Variants in GPR158 observed in about 807,000 individuals in gnomAD.
GPR158 encodes metabotropic glycine receptor.
A neutral mutation model predicts 78.2 loss-of-function variants in GPR158; 30 were observed. The observed-to-expected ratio is 0.38, with a 90% confidence interval of 0.29 to 0.52. The LOEUF is 0.52. Among genes scored for constraint, GPR158 ranks in the 20% least tolerant of loss-of-function variants. GPR158 has a pLI of 0.83. For missense variants in GPR158, 1,463 were observed against 1,523.5 expected (o/e 0.96, Z 0.66); for synonymous variants, 581 against 591.1 (o/e 0.98, Z 0.25).
intron 2 of GPR158, among the ~76,000 whole-genome samples, chr10:25,321,124 C>T (rs1854941676): frequency 6.6e-6 from 1 of 152,180 alleles, no homozygotes; most frequent in Non-Finnish European, 1.5e-5. Context: ...TCAGTTTCCT[C>T]AATTGCAAAA....
At chr10:25,486,002 G>A (rs1353174165) in intron 5 of GPR158, among the ~76,000 whole-genome samples, 2 of 152,104 alleles carry the variant, frequency 1.3e-5, no homozygotes, top group African/African-American at 4.8e-5. Flanking sequence ...CATGGTTAGA[G>A]TGAGAAGAAA....
At chr10:25,549,391 G>A (rs1236494294) in intron 5 of GPR158, among the ~76,000 whole-genome samples, 3 of 151,968 alleles carry the variant, frequency 2.0e-5, no homozygotes, top group South Asian at 2.1e-4. Context: ...TGAAATACCC[G>A]AGCTCAAACT....
At chr10:25,192,356 C>T (rs1419555314) in intron 1 of GPR158, among the ~76,000 whole-genome samples, 2 of 152,172 alleles carry the variant, frequency 1.3e-5, no homozygotes, top group Non-Finnish European at 2.9e-5. Flanking sequence ...TTATAAGTTA[C>T]CCAGTCTCGG....
At chr10:25,269,847 C>T (rs371360925) in intron 2 of GPR158, among the ~76,000 whole-genome samples, 1 of 152,136 alleles carries the variant, frequency 6.6e-6, no homozygotes, top group African/African-American at 2.4e-5. Context: ...CATCCTTTAA[C>T]GTTTGTATTA....
chr10:25,313,859 A>G (rs900792069), intron 2 of GPR158, among the ~76,000 whole-genome samples: 9 of 152,152 alleles, frequency 5.9e-5, no homozygotes, highest in African/African-American at 2.2e-4. Flanking sequence ...ACAATTTGGA[A>G]GACTTCCTTC....
chr10:25,590,246 G>T (rs961770318), intron 8 of GPR158, among the ~76,000 whole-genome samples: 3 of 152,134 alleles, frequency 2.0e-5, no homozygotes, highest in Non-Finnish European at 2.9e-5. Flanking sequence ...TAAATAAGAA[G>T]AGGAGGTATC....
At chr10:25,594,824 A>G (rs1038133241) in intron 9 of GPR158, among the ~76,000 whole-genome samples, 1 of 152,300 alleles carries the variant, frequency 6.6e-6, no homozygotes, top group South Asian at 2.1e-4. Flanking sequence ...AGGAATCTCC[A>G]TAATGATAGA....
At chr10:25,438,689 G>A (rs145673448) in intron 4 of GPR158, among the ~76,000 whole-genome samples, 46 of 152,280 alleles carry the variant, frequency 3.0e-4, no homozygotes, top group Non-Finnish European at 5.7e-4. Flanking sequence ...TTAATGAAAG[G>A]AGCGTATTTT....
chr10:25,205,219 A>G (rs551243522), intron 1 of GPR158, among the ~76,000 whole-genome samples: 15 of 151,972 alleles, frequency 9.9e-5, no homozygotes, highest in African/African-American at 3.1e-4. Context: ...GCAGCATGAA[A>G]ATGGACTAAT....
chr10:25,548,761 A>G (rs1236928921), intron 5 of GPR158, among the ~76,000 whole-genome samples: 4 of 152,160 alleles, frequency 2.6e-5, no homozygotes, highest in Non-Finnish European at 5.9e-5. Context: ...ATTTTTAATA[A>G]CACATTTTAT....
intron 2 of GPR158, among the ~76,000 whole-genome samples, chr10:25,366,132 C>CTTTTGT (rs762295320): frequency 1.3e-5 from 2 of 151,184 alleles, no homozygotes; most frequent in Admixed American, 6.6e-5. Flanking sequence ...TGTAGACAAA[C>CTTTTGT]TTTTGTTTTT....
intron 5 of GPR158, among the ~76,000 whole-genome samples, chr10:25,503,101 G>A (rs982859607): frequency 2.9e-4 from 44 of 151,962 alleles, no homozygotes; most frequent in African/African-American, 8.5e-4. Context: ...TGAGGTCCAC[G>A]TGCAGTGGCT....
intron 4 of GPR158, among the ~76,000 whole-genome samples, chr10:25,424,946 T>C (rs1834799708): frequency 6.6e-6 from 1 of 152,224 alleles, no homozygotes; most frequent in South Asian, 2.1e-4. Flanking sequence ...TTGATGGGGA[T>C]GGCATTGAAT....
At chr10:25,457,899 T>G (rs766345727) in intron 4 of GPR158, among the ~76,000 whole-genome samples, 1 of 152,204 alleles carries the variant, frequency 6.6e-6, no homozygotes, top group Non-Finnish European at 1.5e-5. Flanking sequence ...CAAAATGAAT[T>G]GACAAGCATC....
intron 2 of GPR158, among the ~76,000 whole-genome samples, chr10:25,309,814 G>A (rs112049624): frequency 0.012 from 1,901 of 152,204 alleles, 46 homozygotes; most frequent in African/African-American, 0.043. Context: ...TGTAAGATGT[G>A]CCTTTGCTTC....
intron 2 of GPR158, among the ~76,000 whole-genome samples, chr10:25,256,126 T>C (rs935918395): frequency 1.1e-4 from 16 of 151,944 alleles, no homozygotes; most frequent in African/African-American, 3.9e-4. Context: ...CCATCTGCCA[T>C]CATTATCTGG....
intron 1 of GPR158, among the ~76,000 whole-genome samples, chr10:25,216,941 C>T (rs1853224795): frequency 6.6e-6 from 1 of 152,166 alleles, no homozygotes; most frequent in South Asian, 2.1e-4. Flanking sequence ...CTGATTATGT[C>T]ATTCCAAGGA....
intron 7 of GPR158, among the ~76,000 whole-genome samples, chr10:25,577,902 T>C (rs983141458): frequency 6.6e-6 from 1 of 152,238 alleles, no homozygotes; most frequent in Non-Finnish European, 1.5e-5. Flanking sequence ...ATAAAGACAT[T>C]GCTACATGGA....
At chr10:25,511,630 G>A (rs1171064540) in intron 5 of GPR158, among the ~76,000 whole-genome samples, 1 of 152,094 alleles carries the variant, frequency 6.6e-6, no homozygotes, top group Non-Finnish European at 1.5e-5. Flanking sequence ...TGTCTAGAAG[G>A]GCTTTTCCAG....
Sources: gnomAD v4.1 joint callset for allele counts (sites outside exome capture counted in the v4.1 genomes callset) on GRCh38, gnomAD v4.1.1 for gene constraint, MANE v1.5 for transcripts, NCBI Gene and HGNC (gene_info 2026-07-23, HGNC 2026-07-21) for gene names.